WWOX: variants seen among roughly 807,000 people sequenced by gnomAD.
WWOX encodes WW domain containing oxidoreductase.
A neutral mutation model predicts 46.2 loss-of-function variants in WWOX; 69 were observed. The ratio of observed to expected loss-of-function variants is 1.49; its 90% CI spans 1.23 to 1.82. The LOEUF is 1.82. WWOX is among the 40% of genes most tolerant of loss of function. The pLI, the probability that WWOX is intolerant of heterozygous loss-of-function variation, is 0.00. For missense variants in WWOX, 919 were observed against 542.6 expected, an observed-to-expected ratio of 1.69 and a Z score of -6.89; for synonymous variants, 359 against 202.6, an observed-to-expected ratio of 1.77 and a Z score of -6.56.
chr16:78,710,473 C>CATAT (rs544025863), intron 8 of WWOX, among the ~76,000 whole-genome samples: 2,214 of 63,574 alleles, frequency 0.035, 196 homozygotes, highest in African/African-American at 0.055. Flanking sequence ...TAATGGATCT[C>CATAT]ATATATATAT....
chr16:78,360,439 G>A (rs1404002209), intron 5 of WWOX, among the ~76,000 whole-genome samples: 1 of 151,920 alleles, frequency 6.6e-6, no homozygotes, highest in Non-Finnish European at 1.5e-5. Context: ...ACAAAAATTA[G>A]CCTGGCATGG....
At chr16:78,495,186 G>C (rs908611059) in intron 8 of WWOX, among the ~76,000 whole-genome samples, 1 of 131,230 alleles carries the variant, frequency 7.6e-6, no homozygotes, top group Non-Finnish European at 1.6e-5. Flanking sequence ...TGTCGCCCAG[G>C]TTGCAGTGCG....
At position 78,768,279 on chromosome 16, in the gene WWOX, T is replaced by TAAAAAA. The variant is rs56280651; in HGVS notation, c.1056+335543_1056+335548dup. 2.2e-4 allele frequency among the ~76,000 whole-genome samples: 20 copies of TAAAAAA among 91,962 alleles called. 2 individuals carry two copies. The highest frequency in any genetic ancestry group is 4.0e-4 in the South Asian group (1 of 2,528). 60.3% of individuals were successfully genotyped at this position (91,962 alleles called of 152,430 possible). A position where few individuals can be genotyped will look rare whatever the true frequency, so the allele number is the denominator to read the frequency against. On this transcript the variant is annotated intron_variant, in intron 8 of 8. Transcript: ENST00000566780. ...GCAAGCCAAAAAGTGATAGATGAGT[T>TAAAAAA]AAAAAAAAAAAAAAAAAAAAAGTTG...
chr16:79,211,034 A>AGTGAGTGTGTGTGT (rs2051721084), intron 8 of WWOX, among the ~76,000 whole-genome samples: 1 of 149,602 alleles, frequency 6.7e-6, no homozygotes, highest in Admixed American at 6.7e-5. Context: ...TATGGTGAGG[A>AGTGAGTGTGTGTGT]GTGTGTGTGT....
At chr16:79,123,691 CT>C (rs2049689126) in intron 8 of WWOX, among the ~76,000 whole-genome samples, 1 of 152,156 alleles carries the variant, frequency 6.6e-6, no homozygotes, top group Admixed American at 6.5e-5. Flanking sequence ...AATCTGGACC[CT>C]TTACCTGTCA....
intron 8 of WWOX, among the ~76,000 whole-genome samples, chr16:79,022,043 G>A (rs2047544455): frequency 6.6e-6 from 1 of 152,216 alleles, no homozygotes; most frequent in South Asian, 2.1e-4. Context: ...GAATAGGAGA[G>A]GGTTAGGCAA....
intron 8 of WWOX, among the ~76,000 whole-genome samples, chr16:78,666,793 G>C (rs554935684): frequency 1.3e-4 from 20 of 152,304 alleles, no homozygotes; most frequent in African/African-American, 4.6e-4. Context: ...TTGAAAGGAG[G>C]AGATCTAGAA....
intron 8 of WWOX, among the ~76,000 whole-genome samples, chr16:78,912,886 G>T (rs1204513729): frequency 1.3e-5 from 2 of 151,964 alleles, no homozygotes; most frequent in Non-Finnish European, 2.9e-5. Context: ...AACACCATCA[G>T]CTTGGAAAAC....
chr16:78,703,149 G>C (rs1001364888), intron 8 of WWOX, among the ~76,000 whole-genome samples: 2 of 152,130 alleles, frequency 1.3e-5, no homozygotes, highest in African/African-American at 4.8e-5. Context: ...AAGAGAGGGA[G>C]GGGTGGTCGT....
intron 8 of WWOX, among the ~76,000 whole-genome samples, chr16:78,446,657 CTTTTTTTT>C (rs5818138): frequency 2.3e-5 from 2 of 88,120 alleles, no homozygotes; most frequent in Non-Finnish European, 2.1e-5. Flanking sequence ...CAAGTGTATA[CTTTTTTTT>C]TTTTTTTTTT....
chr16:79,060,733 G>C (rs1332878613), intron 8 of WWOX, among the ~76,000 whole-genome samples: 2 of 152,226 alleles, frequency 1.3e-5, no homozygotes, highest in Non-Finnish European at 2.9e-5. Flanking sequence ...TCACTGTATG[G>C]AGAATAGCTT....
intron 8 of WWOX, among the ~76,000 whole-genome samples, chr16:78,816,217 A>G (rs2051326313): frequency 6.6e-6 from 1 of 152,162 alleles, no homozygotes; most frequent in Admixed American, 6.5e-5. Context: ...AAAATTTGGG[A>G]CGCTGGATAG....
chr16:79,159,233 C>G (rs919935676), intron 8 of WWOX, among the ~76,000 whole-genome samples: 1 of 152,230 alleles, frequency 6.6e-6, no homozygotes, highest in Non-Finnish European at 1.5e-5. Context: ...AGGGCAGCCT[C>G]TGAAACCCTC....
Position 78,723,578 on chromosome 16 carries a change from T to TTTTCC in WWOX, c.1056+290830_1056+290831insCTTTC, listed in dbSNP as rs1381940799. ...CCTTCTTTTCTTTTCTTTTCTTTTC[T>TTTTCC]TTTCTTTTCTTTTCTTTTCTTTTCT... On this transcript the variant is annotated intron_variant, in intron 8 of 8. Coordinates refer to ENST00000566780, the MANE Select transcript of WWOX (RefSeq NM_016373.4). 6.7e-4 allele frequency among the ~76,000 whole-genome samples: 33 copies of TTTTCC among 49,572 alleles called. 1 individual carries two copies. Among genetic ancestry groups the TTTTCC allele is most frequent in the South Asian group, 2.1e-3 (4 of 1,922 alleles). The allele number at this position is 49,572 out of a possible 152,430, so 32.5% of individuals were successfully genotyped here.
intron 5 of WWOX, among the ~76,000 whole-genome samples, chr16:78,356,914 A>G (rs1387865556): frequency 6.6e-6 from 1 of 151,972 alleles, no homozygotes; most frequent in Non-Finnish European, 1.5e-5. Context: ...CCAATACACA[A>G]TATGTTATAT....
intron 8 of WWOX, among the ~76,000 whole-genome samples, chr16:78,922,396 T>G (rs1262060343): frequency 2.9e-4 from 40 of 135,776 alleles, no homozygotes; most frequent in African/African-American, 9.9e-4. Context: ...TTTTTTTTTT[T>G]GAGACAGTCT....
intron 8 of WWOX, among the ~76,000 whole-genome samples, chr16:78,609,116 A>G (rs372733242): frequency 3.3e-5 from 5 of 152,180 alleles, no homozygotes; most frequent in Admixed American, 2.6e-4. Context: ...TTTAAAGACA[A>G]ACATTACAGA....
At chr16:78,157,259 A>G (rs1024462108) in intron 4 of WWOX, among the ~76,000 whole-genome samples, 3 of 152,156 alleles carry the variant, frequency 2.0e-5, no homozygotes, top group Admixed American at 6.5e-5. Context: ...GGCTGTTGGC[A>G]TCTCATTAGC....
chr16:78,105,578 T>A (rs1388575365), intron 1 of WWOX, among the ~76,000 whole-genome samples: 1 of 152,198 alleles, frequency 6.6e-6, no homozygotes, highest in Non-Finnish European at 1.5e-5. Flanking sequence ...GTTTTGTTTT[T>A]TAAATGTCTT....
Sources: gnomAD v4.1 joint callset for allele counts (sites outside exome capture counted in the v4.1 genomes callset) on GRCh38, gnomAD v4.1.1 for gene constraint, MANE v1.5 for transcripts, NCBI Gene and HGNC (gene_info 2026-07-23, HGNC 2026-07-21) for gene names.